Variants in PLCZ1 observed in about 807,000 individuals in gnomAD.
PLCZ1 encodes the protein 1-phosphatidylinositol 4,5-bisphosphate phosphodiesterase zeta-1.
A neutral mutation model predicts 76.8 loss-of-function variants in PLCZ1; 64 were observed. That is an observed-to-expected ratio of 0.83 (90% confidence interval 0.68 to 1.03). PLCZ1 has a LOEUF of 1.03. Ranked by LOEUF, PLCZ1 falls within the 50% of genes least tolerant of loss-of-function variation. PLCZ1 has a pLI of 0.00. For missense variants in PLCZ1, 751 were observed against 713.7 expected (o/e 1.05, Z -0.60); for synonymous variants, 248 against 230.8 (o/e 1.07, Z -0.68).
At chr12:18,730,639 T>G (rs1471067322) in intron 3 of PLCZ1, among the ~76,000 whole-genome samples, 1 of 152,156 alleles carries the variant, frequency 6.6e-6, no homozygotes, top group Admixed American at 6.5e-5. Context: ...TCCGTAATCA[T>G]ACATTTCAAT....
the PLCZ1 span, chr12:18,648,063 ACTT>A: frequency 1.4e-6 from 2 of 1,400,248 alleles, no homozygotes; most frequent in Admixed American, 2.2e-5. Context: ...TTCATTAACT[ACTT>A]GTATTTTTTT....
chr12:18,693,834 T>A (rs1201438391), intron 12 of PLCZ1: 10 of 1,529,562 alleles, frequency 6.5e-6, no homozygotes, highest in Non-Finnish European at 9.0e-6. Context: ...AAGATTGAGT[T>A]CCCCCTGCCT....
chr12:18,672,148 G>A, the PLCZ1 span, among the ~76,000 whole-genome samples: 1 of 152,160 alleles, frequency 6.6e-6, no homozygotes, highest in African/African-American at 2.4e-5. Context: ...TTTTGCAGTG[G>A]ATCATGTTTT....
At chr12:18,711,250 T>C (rs1157857856) in intron 6 of PLCZ1, among the ~76,000 whole-genome samples, 26 of 151,258 alleles carry the variant, frequency 1.7e-4, no homozygotes, top group Non-Finnish European at 2.5e-4. Flanking sequence ...TGGATGAAAC[T>C]GGAAACCATC....
intron 3 of PLCZ1, among the ~76,000 whole-genome samples, chr12:18,733,667 T>C (rs1959167085): frequency 6.6e-6 from 1 of 152,196 alleles, no homozygotes; most frequent in African/African-American, 2.4e-5. Context: ...AGAGTCCAAT[T>C]TCATTTTTTA....
In PLCZ1 at chr12:18,701,503, T is replaced by C; in HGVS notation, c.1015A>G (p.Lys339Glu). The C allele has an allele frequency of 1.2e-6, 2 of 1,614,104 alleles. No individual in the cohort carries two copies. The highest frequency in any genetic ancestry group is 1.1e-5 in the South Asian group (1 of 91,074). ...LPGVMLFKKK[K>E]TRKLKIALAL... ...ATTTTCACAAAACACCACCTCACCT[T>C]CTTTTTCTTGAAAAGCATTACTCCA... is the stretch of plus-strand genomic sequence containing the variant. Residue 339 changes from lysine (K) to glutamate (E), a missense_variant and splice_region_variant, in exon 9 of 15, where the codon AAG becomes GAG. Lys to Glu is a moderately conservative substitution (Grantham distance 56). Transcript: ENST00000266505.
intron 6 of PLCZ1, among the ~76,000 whole-genome samples, chr12:18,711,894 T>C (rs891332722): frequency 1.4e-4 from 21 of 152,134 alleles, no homozygotes; most frequent in Admixed American, 5.2e-4. Flanking sequence ...ATACTCTCAA[T>C]GTTTTTATAT....
At chr12:18,661,898 A>T in the PLCZ1 span, among the ~76,000 whole-genome samples, 1 of 152,180 alleles carries the variant, frequency 6.6e-6, no homozygotes, top group Non-Finnish European at 1.5e-5. Flanking sequence ...GGATTTTTTT[A>T]AATGAAGTAC....
rs762527313 is a variant in PLCZ1 at position 18,701,790 on chromosome 12, T to G, written c.865-14A>C. 1.3e-6 allele frequency: 2 copies of G among 1,588,368 alleles called. No individual in the cohort carries two copies. The highest frequency in any genetic ancestry group is 3.5e-5 in the Admixed American group (2 of 57,568). On this transcript the variant is annotated splice_polypyrimidine_tract_variant and intron_variant, in intron 7 of 14. Coordinates refer to ENST00000266505, the MANE Select transcript of PLCZ1 (RefSeq NM_033123.4). ...GAATTTTAGTGCCTAAGGAAACAAT[T>G]TGAGAGATACAATTACACATTTACA...
chr12:18,695,126 A>C (rs376063732), intron 11 of PLCZ1, 47 bp from the exon 12 acceptor site: 2 of 1,559,368 alleles, frequency 1.3e-6, no homozygotes, highest in Non-Finnish European at 1.8e-6. Flanking sequence ...AGAGAATACA[A>C]ATAAAGGAAC....
the PLCZ1 span, among the ~76,000 whole-genome samples, chr12:18,654,211 C>T: frequency 6.6e-5 from 10 of 151,432 alleles, no homozygotes; most frequent in African/African-American, 2.4e-4. Context: ...TCAATATACT[C>T]AGGTCCAACT....
rs769962068 is a variant in PLCZ1, at chr12:18,701,547, G to C, written c.971C>G (p.Thr324Arg). 4 of 1,613,560 alleles carry C rather than the reference G, an allele frequency of 2.5e-6. No homozygotes were observed. In the Admixed American group the frequency reaches 5.0e-5, roughly 20 times the overall value. ...TACTCCAGGTAACTTTTTTACCCCT[G>C]TTTCCTTGTCTTGATTGTCTCCTAA... ...DKRGDNQDKE[T>R]GVKKLPGVML... Residue 324 changes from threonine (T) to arginine (R), a missense_variant, in exon 9 of 15, where the codon ACA becomes AGA. Transcript: ENST00000266505.
chr12:18,737,902 T>G (rs1959600986), intron 1 of PLCZ1, 30 bp downstream of exon 1: 1 of 293,478 alleles, frequency 3.4e-6, no homozygotes, highest in Non-Finnish European at 6.4e-6. Context: ...TCTAGATCGT[T>G]GACAACATAT....
At chr12:18,712,153 A>T (rs1957418706) in intron 6 of PLCZ1, among the ~76,000 whole-genome samples, 1 of 152,162 alleles carries the variant, frequency 6.6e-6, no homozygotes. Context: ...ATTGTACTAT[A>T]ATTGAAGTAC....
intron 11 of PLCZ1, 147 bp downstream of exon 11, chr12:18,696,003 C>T (rs1239730542): frequency 3.7e-6 from 2 of 538,474 alleles, no homozygotes; most frequent in Non-Finnish European, 6.7e-6. Flanking sequence ...TCTTACAACA[C>T]ATGACCCACC....
At chr12:18,719,005 T>A (rs548014840) in intron 5 of PLCZ1, among the ~76,000 whole-genome samples, 60 of 152,294 alleles carry the variant, frequency 3.9e-4, no homozygotes, top group Middle Eastern at 6.8e-3. Context: ...AGTTGTACAA[T>A]GTACTGTATT....
chr12:18,696,322 C>CTATATATATAAATATATATA (rs1954987606), intron 10 of PLCZ1, 56 bp from the exon 11 acceptor site: 1 of 253,072 alleles, frequency 4.0e-6, no homozygotes, highest in African/African-American at 6.1e-5. Context: ...TAAAAAGCCA[C>CTATATATATAAATATATATA]TATATATATA....
At chr12:18,696,304 A>G in intron 10 of PLCZ1, 38 bp from the exon 11 acceptor site, 2 of 794,330 alleles carry the variant, frequency 2.5e-6, no homozygotes, top group Non-Finnish European at 1.9e-6. Context: ...AAAGAATTCA[A>G]ATAAATTTAA....
At chr12:18,721,380 A>G (rs1958426596) in intron 4 of PLCZ1, among the ~76,000 whole-genome samples, 1 of 152,096 alleles carries the variant, frequency 6.6e-6, no homozygotes, top group African/African-American at 2.4e-5. Flanking sequence ...GTGATCAATA[A>G]TCATGTAAAT....
Sources: gnomAD v4.1 joint callset for allele counts (sites outside exome capture counted in the v4.1 genomes callset) on GRCh38, gnomAD v4.1.1 for gene constraint, MANE v1.5 for transcripts, NCBI Gene and HGNC (gene_info 2026-07-23, HGNC 2026-07-21) for gene names.